Variants in AKAP13 observed in about 807,000 individuals in gnomAD.
AKAP13 encodes the protein A-kinase anchoring protein 13, also known as A-kinase anchor protein 13.
In AKAP13, 80 loss-of-function variants were observed where a neutral mutation model predicts 264.5. The ratio of observed to expected loss-of-function variants is 0.30; its 90% CI spans 0.25 to 0.36. The LOEUF is 0.36. Among genes scored for constraint, AKAP13 ranks in the 10% least tolerant of loss-of-function variants. AKAP13 has a pLI of 1.00. For synonymous variants in AKAP13, 1,380 were observed against 1,250.2 expected, an observed-to-expected ratio of 1.10 and a Z score of -2.19; for missense variants, 3,712 against 3,435.2, an observed-to-expected ratio of 1.08 and a Z score of -2.01.
chr15:85,619,375 A>G, intron 8 of AKAP13: 1 of 985,306 alleles, frequency 1.0e-6, no homozygotes, highest in Non-Finnish European at 1.2e-6. Flanking sequence ...GGAGTACAGC[A>G]GGAGTGGTCT....
chr15:85,414,507 AGAT>A (rs1362622257), intron 1 of AKAP13, among the ~76,000 whole-genome samples: 1 of 152,228 alleles, frequency 6.6e-6, no homozygotes, highest in Non-Finnish European at 1.5e-5. Flanking sequence ...AGTGAGATTT[AGAT>A]GATGATATAG....
chr15:85,686,170 TGTGTGTGTGCACGTGCATGC>T (rs2084907928), intron 16 of AKAP13, among the ~76,000 whole-genome samples: 1 of 123,626 alleles, frequency 8.1e-6, no homozygotes, highest in Non-Finnish European at 1.7e-5. Flanking sequence ...TGTGTGTATG[TGTGTGTGTGCACGTGCATGC>T]ATGTGTGTGT....
intron 8 of AKAP13, among the ~76,000 whole-genome samples, chr15:85,613,143 C>A (rs1032985084): frequency 4.6e-5 from 7 of 152,094 alleles, no homozygotes; most frequent in African/African-American, 1.7e-4. Flanking sequence ...ATACAACAGT[C>A]TTTAGGATCT....
At chr15:85,577,184 C>A (rs1007041834) in intron 6 of AKAP13, among the ~76,000 whole-genome samples, 17 of 152,144 alleles carry the variant, frequency 1.1e-4, no homozygotes, top group African/African-American at 4.1e-4. Flanking sequence ...TACATATAAA[C>A]TTTTACAATA....
chr15:85,438,508 A>G (rs1357351503), intron 1 of AKAP13, among the ~76,000 whole-genome samples: 2 of 149,594 alleles, frequency 1.3e-5, no homozygotes, highest in African/African-American at 2.5e-5. Context: ...CTGCATCGCC[A>G]AGTCAATCCT....
At chr15:85,476,166 G>A (rs1160814863) in intron 1 of AKAP13, among the ~76,000 whole-genome samples, 9 of 152,184 alleles carry the variant, frequency 5.9e-5, no homozygotes, top group Admixed American at 3.3e-4. Flanking sequence ...GCATGCATGT[G>A]AGGTATGCAG....
chr15:85,494,414 C>G (rs2075816395), intron 2 of AKAP13, among the ~76,000 whole-genome samples: 1 of 152,172 alleles, frequency 6.6e-6, no homozygotes, highest in Admixed American at 6.5e-5. Context: ...TGAAGCTCTG[C>G]AAGGTACAAG....
At chr15:85,510,065 C>G (rs960698384) in intron 2 of AKAP13, among the ~76,000 whole-genome samples, 1 of 152,230 alleles carries the variant, frequency 6.6e-6, no homozygotes, top group East Asian at 1.9e-4. Flanking sequence ...AGGGCCTCCT[C>G]TAATCCCTGC....
At position 85,496,870 on chromosome 15, in the gene AKAP13, C is replaced by G. The variant is rs539037121; in HGVS notation, c.33+11117C>G. 1.1e-3 allele frequency among the ~76,000 whole-genome samples: 173 copies of G among 152,310 alleles called. 1 individual carries two copies. The highest frequency in any genetic ancestry group is 3.5e-3 in the Admixed American group (53 of 15,294). On this transcript the variant is annotated intron_variant, in intron 2 of 36. Transcript: ENST00000394518. Reference sequence around the variant, plus strand: ...GGAAATCAAGGGTTCCTCCGTCTAGCTTTTGATGGTTTTACAGAGCAGGAA... The same window carrying G: ...GGAAATCAAGGGTTCCTCCGTCTAGGTTTTGATGGTTTTACAGAGCAGGAA...
intron 7 of AKAP13, among the ~76,000 whole-genome samples, chr15:85,584,930 T>C (rs377407277): frequency 1.3e-5 from 2 of 152,292 alleles, no homozygotes; most frequent in East Asian, 1.9e-4. Context: ...TTTAAAGAAG[T>C]GTCAGAAGCC....
Position 85,514,741 on chromosome 15 carries a change from C to T in AKAP13, c.34-6687C>T, listed in dbSNP as rs1428442382. On this transcript the variant is annotated intron_variant, in intron 2 of 36. Coordinates refer to ENST00000394518, the MANE Select transcript of AKAP13 (RefSeq NM_007200.5). ...GTGTTTGGTTGTTTTAGCAGAGTAA[C>T]TGGGCAAAGTGTTATCAATTGCCTA... Among the ~76,000 whole-genome samples the T allele has an allele frequency of 1.5e-5, 2 of 137,280 alleles. 1 individual carries two copies. Among genetic ancestry groups the T allele is most frequent in the Non-Finnish European group, 3.1e-5 (2 of 64,570 alleles). The allele number at this position is 137,280 out of a possible 152,430, so 90.1% of individuals were successfully genotyped here.
intron 5 of AKAP13, among the ~76,000 whole-genome samples, chr15:85,551,587 A>G (rs985193554): frequency 1.3e-5 from 2 of 152,228 alleles, no homozygotes; most frequent in Non-Finnish European, 2.9e-5. Context: ...TTGTGTTTCT[A>G]TAAACTTCTT....
chr15:85,447,871 C>T (rs1379047917), intron 1 of AKAP13, among the ~76,000 whole-genome samples: 2 of 152,042 alleles, frequency 1.3e-5, no homozygotes, highest in Non-Finnish European at 2.9e-5. Flanking sequence ...ATTTATAATC[C>T]TCTGGGTATA....
At chr15:85,719,011 T>G in intron 22 of AKAP13, 65 bp from the exon 23 acceptor site, 5 of 1,586,496 alleles carry the variant, frequency 3.2e-6, no homozygotes, top group Non-Finnish European at 4.3e-6. Flanking sequence ...CTGCAGCAGA[T>G]GATCTTTGAG....
chr15:85,617,667 A>T (rs1041552317), intron 8 of AKAP13, among the ~76,000 whole-genome samples: 1 of 152,234 alleles, frequency 6.6e-6, no homozygotes, highest in African/African-American at 2.4e-5. Flanking sequence ...GGAACAAACC[A>T]TATTGAGGAC....
chr15:85,608,307 C>A (rs749002815), intron 8 of AKAP13, among the ~76,000 whole-genome samples: 14 of 152,178 alleles, frequency 9.2e-5, no homozygotes, highest in Non-Finnish European at 2.1e-4. Context: ...AAATTATTTT[C>A]TCTCCTTGTT....
chr15:85,556,372 A>G (rs989778944), intron 5 of AKAP13, among the ~76,000 whole-genome samples: 9 of 152,236 alleles, frequency 5.9e-5, no homozygotes, highest in African/African-American at 2.2e-4. Flanking sequence ...ACATTATGAC[A>G]GCCGTAACAT....
intron 1 of AKAP13, among the ~76,000 whole-genome samples, chr15:85,457,710 A>G (rs2074332330): frequency 6.6e-6 from 1 of 152,212 alleles, no homozygotes; most frequent in Non-Finnish European, 1.5e-5. Context: ...TTGGTGGAGA[A>G]GGATTTTGAG....
intron 1 of AKAP13, chr15:85,415,681 A>T: frequency 9.5e-7 from 1 of 1,051,610 alleles, no homozygotes; most frequent in Admixed American, 1.9e-5. Flanking sequence ...AGAATGACCA[A>T]GCTCAGTTCA....
Sources: gnomAD v4.1 joint callset for allele counts (sites outside exome capture counted in the v4.1 genomes callset) on GRCh38, gnomAD v4.1.1 for gene constraint, MANE v1.5 for transcripts, NCBI Gene and HGNC (gene_info 2026-07-23, HGNC 2026-07-21) for gene names.